The following DIP2A variants were observed in gnomAD, a reference collection of about 807,000 sequenced individuals.
DIP2A encodes the protein DIP2 acetate--CoA ligase A, also known as disco-interacting protein 2 homolog A.
A neutral mutation model predicts 177.4 loss-of-function variants in DIP2A; 85 were observed. That is an observed-to-expected ratio of 0.48 (90% CI 0.40 to 0.57). The LOEUF (loss-of-function observed/expected upper bound fraction) is 0.57, where lower values mean the gene tolerates loss of function less well. DIP2A is among the 20% of genes least tolerant of loss of function. DIP2A has a pLI of 0.00. For synonymous variants in DIP2A, 886 were observed against 881.8 expected, an observed-to-expected ratio of 1.00 and a Z score of -0.08; for missense variants, 1,791 against 2,100.2, an observed-to-expected ratio of 0.85 and a Z score of 2.88.
intron 8 of DIP2A, among the ~76,000 whole-genome samples, chr21:46,528,241 T>C (rs1188555695): frequency 6.6e-6 from 1 of 152,134 alleles, no homozygotes; most frequent in Non-Finnish European, 1.5e-5. Context: ...ATTTAACATA[T>C]TAAATTAGGA....
chr21:46,468,121 C>A (rs1027758036), intron 1 of DIP2A, among the ~76,000 whole-genome samples: 1 of 151,912 alleles, frequency 6.6e-6, no homozygotes, highest in African/African-American at 2.4e-5. Context: ...AAAAAATTAG[C>A]CTGGCATGGG....
At chr21:46,462,515 C>T (rs993182665) in intron 1 of DIP2A, 3 of 151,984 alleles carry the variant, frequency 2.0e-5, no homozygotes, top group African/African-American at 4.8e-5. Context: ...GAAAATGCTT[C>T]GAAACTGGTA....
At chr21:46,542,376 G>A (rs944504013) in intron 18 of DIP2A, among the ~76,000 whole-genome samples, 22 of 152,188 alleles carry the variant, frequency 1.4e-4, no homozygotes, top group African/African-American at 5.3e-4. Context: ...CATGTGAAGT[G>A]GGCAGCTCTG....
intron 8 of DIP2A, among the ~76,000 whole-genome samples, chr21:46,511,815 G>C (rs1263019402): frequency 6.6e-6 from 1 of 152,152 alleles, no homozygotes; most frequent in African/African-American, 2.4e-5. Flanking sequence ...ATTGCTCTGG[G>C]TTCAAGTGTT....
At chr21:46,526,842 C>G (rs959171225) in intron 8 of DIP2A, among the ~76,000 whole-genome samples, 1 of 152,092 alleles carries the variant, frequency 6.6e-6, no homozygotes, top group Non-Finnish European at 1.5e-5. Context: ...TCCAGTTGTT[C>G]AGCTTTTTCT....
At chr21:46,494,117 C>T (rs2057173135) in intron 3 of DIP2A, among the ~76,000 whole-genome samples, 1 of 152,178 alleles carries the variant, frequency 6.6e-6, no homozygotes, top group African/African-American at 2.4e-5. Context: ...ACAATAAATA[C>T]TTCCTTAATA....
intron 1 of DIP2A, chr21:46,469,402 T>A (rs2055154160): frequency 6.6e-6 from 1 of 152,248 alleles, no homozygotes. Context: ...GTGGCCTTTG[T>A]TGCTTTAAGT....
At chr21:46,493,150 T>C (rs751258608) in intron 3 of DIP2A, among the ~76,000 whole-genome samples, 5 of 152,214 alleles carry the variant, frequency 3.3e-5, no homozygotes, top group African/African-American at 1.2e-4. Flanking sequence ...TGTTTTGTTA[T>C]GGCAACTGAG....
intron 3 of DIP2A, among the ~76,000 whole-genome samples, chr21:46,492,658 G>A (rs1357715934): frequency 6.6e-6 from 1 of 152,106 alleles, no homozygotes; most frequent in Non-Finnish European, 1.5e-5. Flanking sequence ...GGTGGGATCG[G>A]TGCCCTTATA....
In DIP2A at chr21:46,534,127, C is replaced by T; in HGVS notation, c.1539+14C>T. ...GCCTACATTGAGGTAATGACTGTTC[C>T]TAACTTAGAGAATGTAAAAACATGT... On this transcript the variant is annotated intron_variant, in intron 12 of 37. Transcript: ENST00000417564. The T allele has an allele frequency of 6.3e-7, 1 of 1,591,098 alleles. No homozygotes were observed. Among genetic ancestry groups the T allele is most frequent in the Non-Finnish European group, 8.6e-7 (1 of 1,160,180 alleles).
At chr21:46,579,940 A>C in the DIP2A span, among the ~76,000 whole-genome samples, 1 of 152,200 alleles carries the variant, frequency 6.6e-6, no homozygotes, top group African/African-American at 2.4e-5. Context: ...TTTTGAGTGG[A>C]AAGTTCTGTA....
rs755497417 is a variant in DIP2A at position 46,504,398 on chromosome 21, C to T, written c.693C>T (p.Leu231=). The T allele has an allele frequency of 1.2e-5, 20 of 1,613,748 alleles. No individual in the cohort carries two copies. Among genetic ancestry groups the T allele is most frequent in the African/African-American group, 5.3e-5 (4 of 74,930 alleles). The part of the protein sequence containing the change: ...HSAPPDVTTG[L]VEHSYFERPQ... Reference sequence around the variant, plus strand: ...CCCCTCCTGATGTCACCACGGGCCTCGTGGAGCATTCGTACTTTGAGCGTC... The same window carrying T: ...CCCCTCCTGATGTCACCACGGGCCTTGTGGAGCATTCGTACTTTGAGCGTC... The change falls in exon 6 of 38, where the codon CTC becomes CTT. Residue 231 remains leucine (L), a synonymous_variant. Transcript: ENST00000417564.
chr21:46,505,084 G>T (rs941316563), intron 6 of DIP2A, among the ~76,000 whole-genome samples: 4 of 152,042 alleles, frequency 2.6e-5, no homozygotes. Flanking sequence ...AAATTAAGAG[G>T]AGCTCAGAGC....
Position 46,519,932 on chromosome 21 carries a change from T to C in DIP2A, c.1102+8318T>C, listed in dbSNP as rs566316446. On this transcript the variant is annotated intron_variant, in intron 8 of 37. Coordinates refer to ENST00000417564, the MANE Select transcript of DIP2A (RefSeq NM_015151.4). ...CTCTGCTGCTCAGGCTGGAGTGCAG[T>C]GGTGCGATCTCGGCTCACTGCAAGC... Among the ~76,000 whole-genome samples, 29 of 129,642 alleles carry C rather than the reference T, an allele frequency of 2.2e-4. 2 individuals carry two copies. The South Asian group carries it at 7.8e-3, about 35-fold the overall frequency. 85.1% of individuals were successfully genotyped at this position (129,642 alleles called of 152,430 possible). A position where few individuals can be genotyped will look rare whatever the true frequency, so the allele number is the denominator to read the frequency against.
At chr21:46,538,451 G>A (rs1460268261) in intron 15 of DIP2A, 32 bp from the exon 16 acceptor site, 14 of 1,537,672 alleles carry the variant, frequency 9.1e-6, no homozygotes, top group Middle Eastern at 1.7e-4. Flanking sequence ...TCCTTGTGAC[G>A]CAGGGATGTC....
intron 22 of DIP2A, 58 bp from the exon 23 acceptor site, chr21:46,550,485 C>T: frequency 6.5e-7 from 1 of 1,534,414 alleles, no homozygotes; most frequent in Non-Finnish European, 8.9e-7. Context: ...GTCCCCCACC[C>T]AGCATCTCCC....
chr21:46,532,274 T>C, intron 10 of DIP2A, 37 bp downstream of exon 10: 1 of 1,555,142 alleles, frequency 6.4e-7, no homozygotes, highest in Non-Finnish European at 8.8e-7. Context: ...TGTGGTTCGC[T>C]TCTGAACTTG....
At chr21:46,495,623 T>G (rs2057315225) in intron 3 of DIP2A, among the ~76,000 whole-genome samples, 1 of 152,084 alleles carries the variant, frequency 6.6e-6, no homozygotes, top group Admixed American at 6.6e-5. Flanking sequence ...TTTTCTCTTT[T>G]TCTTTCTTGG....
rs564360579 is a variant in DIP2A, at chr21:46,499,127, C to G, written c.655+294C>G. Among the ~76,000 whole-genome samples, 4 of 152,298 alleles carry G rather than the reference C, an allele frequency of 2.6e-5. No homozygotes were observed. In the South Asian group the frequency reaches 8.3e-4, roughly 32 times the overall value. ...CCTAATAACCTTTTGAACAATACAGCTCAGTTGCAAATTTTTTCCCCCATC... is the reference window on the plus strand; with the variant it reads ...CCTAATAACCTTTTGAACAATACAGGTCAGTTGCAAATTTTTTCCCCCATC... On this transcript the variant is annotated intron_variant, in intron 5 of 37. Transcript: ENST00000417564.
Sources: gnomAD v4.1 joint callset for allele counts (sites outside exome capture counted in the v4.1 genomes callset) on GRCh38, gnomAD v4.1.1 for gene constraint, MANE v1.5 for transcripts, NCBI Gene and HGNC (gene_info 2026-07-23, HGNC 2026-07-21) for gene names.